The following NOS1AP variants were observed in gnomAD, a reference collection of about 807,000 sequenced individuals.
NOS1AP encodes nitric oxide synthase 1 adaptor protein, also known as carboxyl-terminal PDZ ligand of neuronal nitric oxide synthase protein.
Under a neutral mutation model 56.2 loss-of-function variants are expected in NOS1AP, and 21 were observed. The observed-to-expected ratio is 0.37, with a 90% CI of 0.26 to 0.54. The LOEUF (loss-of-function observed/expected upper bound fraction) is 0.54, where lower values mean the gene tolerates loss of function less well. NOS1AP is among the 20% of genes least tolerant of loss of function. The pLI, the probability that NOS1AP is intolerant of heterozygous loss-of-function variation, is 0.84. For missense variants in NOS1AP, 522 were observed against 657.8 expected, an observed-to-expected ratio of 0.79 and a Z score of 2.26; for synonymous variants, 270 against 274.6, an observed-to-expected ratio of 0.98 and a Z score of 0.17.
intron 2 of NOS1AP, among the ~76,000 whole-genome samples, chr1:162,259,401 G>A (rs1473476976): frequency 2.0e-5 from 3 of 152,176 alleles, no homozygotes; most frequent in Non-Finnish European, 4.4e-5. Flanking sequence ...ATGCTTGCTA[G>A]TGTCTGATTT....
chr1:162,335,554 G>A (rs1279958227), intron 5 of NOS1AP, among the ~76,000 whole-genome samples: 1 of 152,196 alleles, frequency 6.6e-6, no homozygotes, highest in Non-Finnish European at 1.5e-5. Flanking sequence ...TCATAGGAAT[G>A]CTTCAGAAGT....
chr1:162,165,218 G>T (rs913417809), intron 2 of NOS1AP, among the ~76,000 whole-genome samples: 2 of 152,132 alleles, frequency 1.3e-5, no homozygotes, highest in Non-Finnish European at 2.9e-5. Flanking sequence ...CTACTCAGGA[G>T]GCTGAGGCAG....
At chr1:162,275,049 C>T (rs1014556518) in intron 2 of NOS1AP, among the ~76,000 whole-genome samples, 3 of 152,122 alleles carry the variant, frequency 2.0e-5, no homozygotes, top group Non-Finnish European at 2.9e-5. Context: ...CTGGCTTCCA[C>T]GGAGCAAGTT....
At chr1:162,224,749 G>C (rs1224571684) in intron 2 of NOS1AP, among the ~76,000 whole-genome samples, 1 of 152,144 alleles carries the variant, frequency 6.6e-6, no homozygotes, top group Non-Finnish European at 1.5e-5. Context: ...AGTTAGAGAG[G>C]ACAAGTAGTG....
At chr1:162,072,059 CAGATAGAT>C (rs138572328) in intron 1 of NOS1AP, among the ~76,000 whole-genome samples, 1,850 of 141,690 alleles carry the variant, frequency 0.013, 19 homozygotes, top group East Asian at 0.031. Context: ...GACCCTGTCT[CAGATAGAT>C]AGATAGATAG....
intron 2 of NOS1AP, among the ~76,000 whole-genome samples, chr1:162,171,264 C>G: frequency 6.6e-6 from 1 of 152,334 alleles, no homozygotes; most frequent in East Asian, 1.9e-4. Context: ...TTGTGGCTTG[C>G]TCTGGATCCC....
chr1:162,095,941 C>T (rs955145017), intron 1 of NOS1AP, among the ~76,000 whole-genome samples: 23 of 152,178 alleles, frequency 1.5e-4, no homozygotes, highest in Non-Finnish European at 2.9e-4. Context: ...CCAATGTAGA[C>T]AGTTTCTCTG....
At position 162,367,512 on chromosome 1, in the gene NOS1AP, C is replaced by G. The variant is rs1431549258; in HGVS notation, c.*45C>G. ...GGAGGCGGCGGCGTGGCTGGAGGGG[C>G]CGTGTCTGGCTGCTGCCCGGGTAGG... On this transcript the variant is annotated 3_prime_UTR_variant, in exon 10 of 10. Transcript: ENST00000361897. The surrounding 1 kb of genome is among the most constrained non-coding windows in gnomAD (Gnocchi z 6.5). The G allele has an allele frequency of 6.6e-7, 1 of 1,507,260 alleles. No homozygotes were observed. Among genetic ancestry groups the G allele is most frequent in the South Asian group, 1.3e-5 (1 of 79,412 alleles). 93.4% of individuals were successfully genotyped at this position (1,507,260 alleles called of 1,614,324 possible).
chr1:162,189,659 T>C (rs1244378738), intron 2 of NOS1AP, among the ~76,000 whole-genome samples: 1 of 152,164 alleles, frequency 6.6e-6, no homozygotes, highest in African/African-American at 2.4e-5. Context: ...AAAGACACAG[T>C]AGACAGGGTA....
At chr1:162,129,406 T>G (rs1407822950) in intron 1 of NOS1AP, among the ~76,000 whole-genome samples, 1 of 152,146 alleles carries the variant, frequency 6.6e-6, no homozygotes, top group African/African-American at 2.4e-5. Flanking sequence ...CCTATTCTGC[T>G]CAGACCAGTC....
chr1:162,170,865 G>A (rs1650740837), intron 2 of NOS1AP, among the ~76,000 whole-genome samples: 1 of 152,048 alleles, frequency 6.6e-6, no homozygotes, highest in Non-Finnish European at 1.5e-5. Context: ...CTTGAACCAG[G>A]GAGGCGGAGG....
intron 2 of NOS1AP, among the ~76,000 whole-genome samples, chr1:162,246,425 G>C (rs1167045159): frequency 6.6e-6 from 1 of 152,196 alleles, no homozygotes; most frequent in African/African-American, 2.4e-5. Context: ...GTAGGAGTTG[G>C]TCAGGAATCA....
At chr1:162,264,193 G>A (rs1654325682) in intron 2 of NOS1AP, among the ~76,000 whole-genome samples, 1 of 152,100 alleles carries the variant, frequency 6.6e-6, no homozygotes, top group South Asian at 2.1e-4. Flanking sequence ...TTAGGGTAAA[G>A]GCCATACTTC....
At position 162,296,361 on chromosome 1, in the gene NOS1AP, C is replaced by G. The variant is rs548089336; in HGVS notation, c.271-4272C>G. Among the ~76,000 whole-genome samples the G allele has an allele frequency of 4.6e-5, 7 of 152,252 alleles. No individual in the cohort carries two copies. In the South Asian group the frequency reaches 1.5e-3, roughly 32 times the overall value. ...AAACATTGGTGAGTCCCTGTTACTC[C>G]CCAAACCCATTGAGTTATCTTGATG... On this transcript the variant is annotated intron_variant, in intron 3 of 9. Transcript: ENST00000361897.
intron 2 of NOS1AP, among the ~76,000 whole-genome samples, chr1:162,241,757 G>T (rs1489851644): frequency 6.6e-6 from 1 of 152,140 alleles, no homozygotes; most frequent in Non-Finnish European, 1.5e-5. Context: ...ACTCAGCAGA[G>T]GAGAAAAGGG....
chr1:162,090,613 CT>C (rs557029652), intron 1 of NOS1AP, among the ~76,000 whole-genome samples: 15 of 152,178 alleles, frequency 9.9e-5, no homozygotes, highest in African/African-American at 3.1e-4. Context: ...TTTCAAATCC[CT>C]TTGATCTCTT....
At chr1:162,102,526 A>C (rs1010564316) in intron 1 of NOS1AP, among the ~76,000 whole-genome samples, 1 of 152,090 alleles carries the variant, frequency 6.6e-6, no homozygotes, top group African/African-American at 2.4e-5. Context: ...TTTCAGTAAA[A>C]TTTCTTTGTA....
intron 2 of NOS1AP, among the ~76,000 whole-genome samples, chr1:162,192,161 A>G (rs1651667212): frequency 6.6e-6 from 1 of 152,134 alleles, no homozygotes; most frequent in Non-Finnish European, 1.5e-5. Context: ...TGGAATATGA[A>G]ACTCTGGGGG....
chr1:162,184,521 A>G (rs764215796), intron 2 of NOS1AP, among the ~76,000 whole-genome samples: 7 of 152,188 alleles, frequency 4.6e-5, no homozygotes, highest in Admixed American at 6.5e-5. Context: ...CACTAAAACA[A>G]CGTGTGCCTG....
Sources: allele counts gnomAD v4.1 joint callset (sites outside exome capture counted in the v4.1 genomes callset), GRCh38; gene constraint gnomAD v4.1.1; non-coding constraint Gnocchi (gnomAD v3.1); transcripts MANE v1.5; gene names NCBI Gene and HGNC (gene_info 2026-07-23, HGNC 2026-07-21).